The following SLC67A2 variants were observed in gnomAD, a reference collection of about 807,000 sequenced individuals.
The protein encoded by SLC67A2 is solute carrier family 67 member 2.
At chr2:102,733,664 T>C in the SLC67A2 span, among the ~76,000 whole-genome samples, 115 of 152,274 alleles carry the variant, frequency 7.6e-4, 3 homozygotes, top group South Asian at 0.016. Flanking sequence ...TGTTTACACA[T>C]TTAAAAGACT....
At chr2:102,721,165 TTG>T in the SLC67A2 span, among the ~76,000 whole-genome samples, 1 of 152,368 alleles carries the variant, frequency 6.6e-6, no homozygotes, top group African/African-American at 2.4e-5. Flanking sequence ...AATGGCACTA[TTG>T]TTGAAGGATC....
At chr2:102,721,916 G>A in the SLC67A2 span, among the ~76,000 whole-genome samples, 1 of 152,096 alleles carries the variant, frequency 6.6e-6, no homozygotes, top group Admixed American at 6.5e-5. Context: ...ATCTTTCCCA[G>A]GCTGGTCTTG....
At chr2:102,724,636 A>G in the SLC67A2 span, among the ~76,000 whole-genome samples, 1 of 152,190 alleles carries the variant, frequency 6.6e-6, no homozygotes, top group Admixed American at 6.5e-5. Flanking sequence ...CCAGCGGCCC[A>G]CTATTTTGAT....
the SLC67A2 span, chr2:102,717,071 C>G: frequency 6.6e-6 from 1 of 152,056 alleles, no homozygotes; most frequent in South Asian, 2.1e-4. Flanking sequence ...CTCACTCTGT[C>G]GCCCAGGCTG....
chr2:102,718,240 T>G, the SLC67A2 span: 1 of 679,424 alleles, frequency 1.5e-6, no homozygotes, highest in Non-Finnish European at 2.5e-6. Flanking sequence ...TGCCGTGACT[T>G]CTGATCATCC....
At chr2:102,718,921 C>G in the SLC67A2 span, 7 of 1,614,242 alleles carry the variant, frequency 4.3e-6, no homozygotes, top group Non-Finnish European at 5.9e-6. Flanking sequence ...CCTCCAGGGC[C>G]AGGACAAAGT....
the SLC67A2 span, among the ~76,000 whole-genome samples, chr2:102,730,565 C>G: frequency 6.9e-6 from 1 of 144,580 alleles, no homozygotes; most frequent in Non-Finnish European, 1.5e-5. Context: ...TTTTTTGAGA[C>G]AGAGTCTCGC....
At chr2:102,735,114 T>C in the SLC67A2 span, among the ~76,000 whole-genome samples, 121 of 152,220 alleles carry the variant, frequency 7.9e-4, no homozygotes, top group African/African-American at 2.7e-3. Flanking sequence ...GAATTCTAGG[T>C]GCCTAGACTG....
chr2:102,730,214 T>G, the SLC67A2 span, among the ~76,000 whole-genome samples: 2 of 152,266 alleles, frequency 1.3e-5, no homozygotes, highest in Non-Finnish European at 2.9e-5. Flanking sequence ...CTGTGTTTCT[T>G]TTTTTTGATT....
At chr2:102,732,476 A>G in the SLC67A2 span, 1 of 1,289,586 alleles carries the variant, frequency 7.8e-7, no homozygotes, top group Non-Finnish European at 1.1e-6. Flanking sequence ...TAAAAATTTA[A>G]ACTAATTTAA....
the SLC67A2 span, among the ~76,000 whole-genome samples, chr2:102,720,555 G>A: frequency 6.6e-6 from 1 of 150,436 alleles, no homozygotes; most frequent in South Asian, 2.1e-4. Context: ...ACAAGACAAG[G>A]TCTATGCAAT....
the SLC67A2 span, among the ~76,000 whole-genome samples, chr2:102,719,434 C>T: frequency 6.6e-6 from 1 of 152,186 alleles, no homozygotes; most frequent in African/African-American, 2.4e-5. Flanking sequence ...CACCACGATA[C>T]CTACAAAATA....
chr2:102,732,497 C>A, the SLC67A2 span: 2 of 1,098,244 alleles, frequency 1.8e-6, no homozygotes, highest in Non-Finnish European at 2.6e-6. Context: ...AAAATAAAAC[C>A]AATATCTAAA....
the SLC67A2 span, among the ~76,000 whole-genome samples, chr2:102,726,526 T>C: frequency 6.6e-6 from 1 of 152,008 alleles, no homozygotes; most frequent in African/African-American, 2.4e-5. Context: ...ACAACTGCCA[T>C]TGTAATTAGC....
chr2:102,716,305 A>T, the SLC67A2 span: 1 of 152,258 alleles, frequency 6.6e-6, no homozygotes, highest in Non-Finnish European at 1.5e-5. Context: ...GCTTTTAAGA[A>T]ACTTGCCTGT....
chr2:102,715,333 A>T, the SLC67A2 span, among the ~76,000 whole-genome samples: 1 of 152,102 alleles, frequency 6.6e-6, no homozygotes. Context: ...CCAACTCCAG[A>T]TGTTCACAGA....
chr2:102,730,035 T>C, the SLC67A2 span, among the ~76,000 whole-genome samples: 1 of 152,172 alleles, frequency 6.6e-6, no homozygotes, highest in African/African-American at 2.4e-5. Flanking sequence ...ATTGTGAGAC[T>C]AAATAGACTA....
chr2:102,736,568 G>A, the SLC67A2 span: 4 of 1,611,886 alleles, frequency 2.5e-6, no homozygotes, highest in South Asian at 3.3e-5. Context: ...GGAGCTCCCC[G>A]GAAGCTCCAA....
the SLC67A2 span, among the ~76,000 whole-genome samples, chr2:102,722,814 A>G: frequency 1.3e-5 from 2 of 152,238 alleles, no homozygotes; most frequent in African/African-American, 4.8e-5. Context: ...GAAACAAATC[A>G]GCAAAGTGAA....
Sources: allele counts gnomAD v4.1 joint callset (sites outside exome capture counted in the v4.1 genomes callset), GRCh38; gene constraint gnomAD v4.1.1; transcripts MANE v1.5; gene names NCBI Gene and HGNC (gene_info 2026-07-23, HGNC 2026-07-21).